The following TXLNA variants were observed in gnomAD, a reference collection of about 807,000 sequenced individuals.
The protein encoded by TXLNA is taxilin alpha, also known as alpha-taxilin.
A neutral mutation model predicts 61.4 loss-of-function variants in TXLNA; 9 were observed. The observed-to-expected ratio is 0.15, with a 90% CI of 0.09 to 0.26. The LOEUF is 0.26. Ranked by LOEUF, TXLNA falls within the 10% of genes least tolerant of loss-of-function variation. The pLI is 1.00. For missense variants in TXLNA, 565 were observed against 688.8 expected, an observed-to-expected ratio of 0.82 and a Z score of 2.01; for synonymous variants, 257 against 267.7, an observed-to-expected ratio of 0.96 and a Z score of 0.39.
In TXLNA at chr1:32,187,931, G is replaced by C. The variant is rs756030389; in HGVS notation, c.598-23G>C. On this transcript the variant is annotated intron_variant, in intron 4 of 10. Coordinates refer to ENST00000373610, the MANE Select transcript of TXLNA (RefSeq NM_175852.4). ...GGAAGGCCCCACAAGATGCTCACCT[G>C]CCCTCCCTATCCCTGTCCCCAGCTG... 5 of 1,608,596 alleles carry C rather than the reference G, an allele frequency of 3.1e-6. No individual in the cohort carries two copies. In the African/African-American group the frequency reaches 6.7e-5, roughly 22 times the overall value.
chr1:32,194,806 C>G, intron 10 of TXLNA, 96 bp from the exon 11 acceptor site: 1 of 1,434,348 alleles, frequency 7.0e-7, no homozygotes, highest in South Asian at 1.4e-5. Flanking sequence ...TGGACTCGGT[C>G]TGCTCTCAGC....
rs1196715791 is a variant in TXLNA at position 32,196,781 on chromosome 1, T to C, written c.*1586T>C. The stretch of plus-strand genomic sequence containing the variant: ...ATCTTCCATACCTAGCCCACTCTTT[T>C]AGCCCTTACCTTAAATCTCTCAGAT... On this transcript the variant is annotated 3_prime_UTR_variant, in exon 11 of 11. Coordinates refer to ENST00000373610, the MANE Select transcript of TXLNA (RefSeq NM_175852.4). 6.6e-6 allele frequency: 1 copy of C among 152,290 alleles called. No individual in the cohort carries two copies. The highest frequency in any genetic ancestry group is 1.5e-5 in the Non-Finnish European group (1 of 68,060). The allele number at this position is 152,290 out of a possible 1,614,324, so 9.4% of individuals were successfully genotyped here.
rs1642660552 is a variant in TXLNA, at chr1:32,181,492, A to G, written c.420A>G (p.Pro140=). ...NGEKEPSKGD[P]NTEEIRQSDE... The stretch of plus-strand genomic sequence containing the variant: ...AGAAGGAACCCTCCAAGGGGGATCC[A>G]AACACAGAAGAGATCCGGCAGAGTG... The change falls in exon 3 of 11, where the codon CCA becomes CCG. Residue 140 remains proline (P), a synonymous_variant. Coordinates refer to ENST00000373610, the MANE Select transcript of TXLNA (RefSeq NM_175852.4). 1.2e-6 allele frequency: 2 copies of G among 1,610,618 alleles called. No homozygotes were observed. The highest frequency in any genetic ancestry group is 2.2e-5 in the South Asian group (2 of 90,606).
At chr1:32,189,541 C>CT (rs760315096) in intron 5 of TXLNA, among the ~76,000 whole-genome samples, 6,063 of 143,874 alleles carry the variant, frequency 0.042, 177 homozygotes, top group Middle Eastern at 0.082. Context: ...TTTTTTCTTC[C>CT]TTTTTTTTTT....
chr1:32,184,844 G>T (rs1320101829), intron 4 of TXLNA, among the ~76,000 whole-genome samples: 2 of 152,220 alleles, frequency 1.3e-5, no homozygotes, highest in East Asian at 3.8e-4. Flanking sequence ...TGATTCCAAG[G>T]TGGTAGAGCC....
At chr1:32,180,184 T>G in intron 1 of TXLNA, 130 bp from the exon 2 acceptor site, 1 of 977,502 alleles carries the variant, frequency 1.0e-6, no homozygotes, top group Non-Finnish European at 1.5e-6. Context: ...AGAGAGCCGT[T>G]GGCGCCCTCC....
rs1643057694 is a variant in TXLNA at position 32,197,835 on chromosome 1, T to C, written c.*2640T>C. 6.6e-6 allele frequency: 1 copy of C among 152,234 alleles called. No homozygotes were observed. Among genetic ancestry groups the C allele is most frequent in the South Asian group, 2.1e-4 (1 of 4,834 alleles). The allele number at this position is 152,234 out of a possible 1,614,324, so 9.4% of individuals were successfully genotyped here. On this transcript the variant is annotated 3_prime_UTR_variant, in exon 11 of 11. Transcript: ENST00000373610. The surrounding 1 kb of genome is among the most constrained non-coding windows in gnomAD (Gnocchi z 4.6). Reference sequence around the variant, plus strand: ...GCACTTTTTTTTTTTATTTGTTGTTTGTTTTCCATGAGGTTATCGGACCAT... The same window carrying C: ...GCACTTTTTTTTTTTATTTGTTGTTCGTTTTCCATGAGGTTATCGGACCAT...
At chr1:32,191,364 G>A (rs1279736286) in intron 6 of TXLNA, among the ~76,000 whole-genome samples, 2 of 152,166 alleles carry the variant, frequency 1.3e-5, no homozygotes, top group African/African-American at 4.8e-5. Context: ...ATGATCGTGT[G>A]TGCAGGACCT....
chr1:32,181,169 G>A, intron 2 of TXLNA, 73 bp from the exon 3 acceptor site: 1 of 1,324,562 alleles, frequency 7.5e-7, no homozygotes, highest in Non-Finnish European at 1.0e-6. Flanking sequence ...GAGTTTGGCT[G>A]GGCCTGAAAA....
At chr1:32,191,778 C>T (rs1382153572) in intron 6 of TXLNA, among the ~76,000 whole-genome samples, 1 of 152,242 alleles carries the variant, frequency 6.6e-6, no homozygotes, top group Non-Finnish European at 1.5e-5. Flanking sequence ...TTTGAAGTAG[C>T]ACCTGAGTCC....
In TXLNA at chr1:32,181,354, C is replaced by G. The variant is rs147492060; in HGVS notation, c.282C>G (p.Gly94=). 6.8e-6 allele frequency: 11 copies of G among 1,614,024 alleles called. No homozygotes were observed. The East Asian group carries it at 8.9e-5, about 13-fold the overall frequency. Reference sequence around the variant, plus strand: ...ACTGTGTGGACAATAACCAGGGGGGCCCCGGCGAGGATGGGGCACAGGGTG... The same window carrying G: ...ACTGTGTGGACAATAACCAGGGGGGGCCCGGCGAGGATGGGGCACAGGGTG... ...STYCVDNNQG[G]PGEDGAQGEP... Residue 94 remains glycine, a synonymous_variant, in exon 3 of 11, where the codon GGC becomes GGG. Coordinates refer to ENST00000373610, the MANE Select transcript of TXLNA (RefSeq NM_175852.4).
At chr1:32,182,663 A>G (rs78802998) in intron 3 of TXLNA, among the ~76,000 whole-genome samples, 1 of 146,058 alleles carries the variant, frequency 6.8e-6, no homozygotes, top group African/African-American at 2.5e-5. Flanking sequence ...CTCTGTCTCA[A>G]AAAAAAAAAA....
rs1642646826 is a variant in TXLNA, at chr1:32,181,137, G to A, written c.170-105G>A. On this transcript the variant is annotated intron_variant, in intron 2 of 10. Transcript: ENST00000373610. The stretch of plus-strand genomic sequence containing the variant: ...CAGTTTCCATAAAAAAAAAAGTTAG[G>A]CAACATTTAACTCAAACTGATGAGT... 5.1e-6 allele frequency: 5 copies of A among 974,424 alleles called. No individual in the cohort carries two copies. The South Asian group carries it at 1.4e-4, about 28-fold the overall frequency. 60.4% of individuals were successfully genotyped at this position (974,424 alleles called of 1,614,324 possible). A position where few individuals can be genotyped will look rare whatever the true frequency, so the allele number is the denominator to read the frequency against.
At chr1:32,193,544 G>T (rs990284455) in intron 9 of TXLNA, among the ~76,000 whole-genome samples, 1 of 151,746 alleles carries the variant, frequency 6.6e-6, no homozygotes, top group Non-Finnish European at 1.5e-5. Context: ...TGTTGTTGTT[G>T]TTGTTGTTGT....
intron 9 of TXLNA, among the ~76,000 whole-genome samples, 197 bp downstream of exon 9, chr1:32,193,497 TTTTC>T (rs1272248605): frequency 6.6e-6 from 1 of 151,812 alleles, no homozygotes; most frequent in East Asian, 1.9e-4. Flanking sequence ...TGGGGCAGTC[TTTTC>T]TGTTTGTTTG....
chr1:32,180,241 C>A, intron 1 of TXLNA, 73 bp from the exon 2 acceptor site: 1 of 1,403,192 alleles, frequency 7.1e-7, no homozygotes, highest in Admixed American at 2.8e-5. Context: ...TGTGCGCCTG[C>A]TGTGGGGATT....
At chr1:32,193,776 C>T (rs111605236) in intron 9 of TXLNA, among the ~76,000 whole-genome samples, 10 of 151,736 alleles carry the variant, frequency 6.6e-5, no homozygotes, top group African/African-American at 1.2e-4. Context: ...AGGCTGGTCT[C>T]GAACTCTTGG....
chr1:32,190,345 T>G, intron 6 of TXLNA, 96 bp downstream of exon 6: 1 of 1,179,476 alleles, frequency 8.5e-7, no homozygotes, highest in African/African-American at 1.6e-5. Context: ...CTTCATCCCA[T>G]TCTCCCTTTC....
chr1:32,189,452 T>C (rs895016858), intron 5 of TXLNA, among the ~76,000 whole-genome samples: 1 of 152,032 alleles, frequency 6.6e-6, no homozygotes, highest in Non-Finnish European at 1.5e-5. Flanking sequence ...TAATCTGAAA[T>C]CTGGAAGAAT....
Sources: gnomAD v4.1 joint callset for allele counts (sites outside exome capture counted in the v4.1 genomes callset) on GRCh38, gnomAD v4.1.1 for gene constraint, Gnocchi (gnomAD v3.1) non-coding constraint, MANE v1.5 for transcripts, NCBI Gene and HGNC (gene_info 2026-07-23, HGNC 2026-07-21) for gene names.